Variants in SGCD observed in about 807,000 individuals in gnomAD.
The protein encoded by SGCD is sarcoglycan delta, also known as delta-sarcoglycan.
SGCD carries 18 observed loss-of-function variants against 36.6 expected under a neutral mutation model. The ratio of observed to expected loss-of-function variants is 0.49; its 90% CI spans 0.34 to 0.73. The LOEUF (loss-of-function observed/expected upper bound fraction) is 0.73, where lower values mean the gene tolerates loss of function less well. SGCD is among the 30% of genes least tolerant of loss of function. The pLI, the probability that SGCD is intolerant of heterozygous loss-of-function variation, is 0.01. For missense variants in SGCD, 387 were observed against 346.7 expected (o/e 1.12, Z -0.92); for synonymous variants, 133 against 130.6 (o/e 1.02, Z -0.12).
At chr5:156,214,594 C>G (rs1178397537) in intron 3 of SGCD, among the ~76,000 whole-genome samples, 1 of 151,878 alleles carries the variant, frequency 6.6e-6, no homozygotes, top group African/African-American at 2.4e-5. Context: ...GAAATAGAAA[C>G]CATTCTAAAA....
chr5:155,893,246 C>A (rs945433827), intron 1 of SGCD, among the ~76,000 whole-genome samples: 3 of 151,904 alleles, frequency 2.0e-5, no homozygotes, highest in Admixed American at 2.0e-4. Context: ...TCAATATGTA[C>A]AATTATGTGT....
intron 3 of SGCD, among the ~76,000 whole-genome samples, chr5:156,388,593 A>G (rs1255517229): frequency 1.3e-5 from 2 of 152,222 alleles, no homozygotes; most frequent in African/African-American, 4.8e-5. Context: ...TGAAGACCCC[A>G]AAGTGCCAGA....
upstream of SGCD, among the ~76,000 whole-genome samples, chr5:155,869,481 A>G (rs1284485033): frequency 6.6e-6 from 1 of 152,090 alleles, no homozygotes; most frequent in Non-Finnish European, 1.5e-5. Context: ...AGTTAGGAAC[A>G]TTGTTATTAT....
intron 1 of SGCD, among the ~76,000 whole-genome samples, chr5:155,955,269 G>A (rs548252991): frequency 3.3e-5 from 5 of 152,204 alleles, no homozygotes; most frequent in African/African-American, 7.2e-5. Context: ...GACACACTCC[G>A]TAAGTATTTG....
At chr5:156,194,321 C>T (rs887053338) in intron 3 of SGCD, among the ~76,000 whole-genome samples, 62 of 152,022 alleles carry the variant, frequency 4.1e-4, no homozygotes, top group African/African-American at 1.5e-3. Context: ...AGAGGTTGCA[C>T]TGAGCAGAGA....
rs139141482 is a variant in SGCD at position 156,602,877 on chromosome 5, G to A, written c.502+7826G>A. Among the ~76,000 whole-genome samples the A allele has an allele frequency of 1.1e-4, 16 of 152,138 alleles. No homozygotes were observed. In the East Asian group the frequency reaches 1.5e-3, roughly 15 times the overall value. On this transcript the variant is annotated intron_variant, in intron 6 of 8. Transcript: ENST00000337851. ...GTTGAGAAATTTTGTATCTATGTTC[G>A]TCAGAGGTATTAGGCTATAGTTTCT...
At chr5:156,652,143 C>T (rs1323927478) in intron 7 of SGCD, among the ~76,000 whole-genome samples, 1 of 151,802 alleles carries the variant, frequency 6.6e-6, no homozygotes, top group Non-Finnish European at 1.5e-5. Flanking sequence ...CATTTCAGTC[C>T]TAGGAGCCTT....
intron 3 of SGCD, among the ~76,000 whole-genome samples, chr5:156,211,961 A>T (rs1309133820): frequency 6.6e-6 from 1 of 151,276 alleles, no homozygotes; most frequent in African/African-American, 2.4e-5. Flanking sequence ...TAATTTTAAG[A>T]TGTTTTATGT....
At chr5:156,357,888 G>A (rs1026034819) in intron 3 of SGCD, among the ~76,000 whole-genome samples, 2 of 152,110 alleles carry the variant, frequency 1.3e-5, no homozygotes, top group Non-Finnish European at 2.9e-5. Context: ...CCCAACTTTA[G>A]AATAAATAAG....
intron 4 of SGCD, among the ~76,000 whole-genome samples, chr5:156,539,484 C>T (rs546394363): frequency 5.0e-4 from 76 of 151,948 alleles, no homozygotes; most frequent in African/African-American, 1.8e-3. Context: ...AGCTTAGCTC[C>T]CACTTATAAG....
At chr5:156,571,625 C>G (rs1252956910) in intron 4 of SGCD, among the ~76,000 whole-genome samples, 1 of 152,158 alleles carries the variant, frequency 6.6e-6, no homozygotes, top group Non-Finnish European at 1.5e-5. Context: ...GCTAAGCACA[C>G]AATCACAGTC....
intron 2 of SGCD, among the ~76,000 whole-genome samples, chr5:156,330,672 G>A (rs1332207523): frequency 6.6e-6 from 1 of 152,112 alleles, no homozygotes; most frequent in Non-Finnish European, 1.5e-5. Flanking sequence ...GCTCAACTTA[G>A]TCATCTGAAC....
At chr5:156,293,849 G>GAAAGA (rs1176396265) in intron 3 of SGCD, among the ~76,000 whole-genome samples, 4 of 151,978 alleles carry the variant, frequency 2.6e-5, no homozygotes, top group Admixed American at 1.3e-4. Flanking sequence ...CTGCAAGAAA[G>GAAAGA]AAAGAAAAGA....
intron 1 of SGCD, among the ~76,000 whole-genome samples, chr5:156,107,759 C>T (rs183752001): frequency 3.0e-4 from 46 of 152,076 alleles, no homozygotes; most frequent in Admixed American, 2.5e-3. Flanking sequence ...TATTTTCTGC[C>T]GTTTATAGAT....
At chr5:156,554,031 G>A (rs1758901475) in intron 4 of SGCD, among the ~76,000 whole-genome samples, 1 of 152,150 alleles carries the variant, frequency 6.6e-6, no homozygotes, top group African/African-American at 2.4e-5. Flanking sequence ...ATGGTCAGCA[G>A]AGGTCTGAAA....
intron 7 of SGCD, among the ~76,000 whole-genome samples, chr5:156,675,680 A>T (rs1219434576): frequency 1.3e-5 from 2 of 152,218 alleles, no homozygotes; most frequent in Non-Finnish European, 2.9e-5. Context: ...TATGAATAAA[A>T]AGGTGAGTTT....
chr5:156,159,228 T>C (rs1451119141), intron 3 of SGCD, among the ~76,000 whole-genome samples: 1 of 151,720 alleles, frequency 6.6e-6, no homozygotes, highest in East Asian at 1.9e-4. Flanking sequence ...AAATATGTGG[T>C]TGTAATTCAT....
intron 3 of SGCD, among the ~76,000 whole-genome samples, chr5:156,137,229 G>A (rs889118889): frequency 6.6e-6 from 1 of 152,224 alleles, no homozygotes; most frequent in African/African-American, 2.4e-5. Flanking sequence ...GGCATCCCAA[G>A]CCTGGGCTTA....
chr5:156,474,665 A>T (rs745489691), intron 3 of SGCD, among the ~76,000 whole-genome samples: 13 of 152,222 alleles, frequency 8.5e-5, no homozygotes, highest in Non-Finnish European at 1.5e-4. Flanking sequence ...AAACCAATCT[A>T]GAGATGTGCC....
Sources: allele counts gnomAD v4.1 joint callset (sites outside exome capture counted in the v4.1 genomes callset), GRCh38; gene constraint gnomAD v4.1.1; transcripts MANE v1.5; gene names NCBI Gene and HGNC (gene_info 2026-07-23, HGNC 2026-07-21).